MCTP2: variants seen among roughly 807,000 people sequenced by gnomAD.
The protein encoded by MCTP2 is multiple C2 and transmembrane domain containing 2.
In MCTP2, 132 loss-of-function variants were observed where a neutral mutation model predicts 111.6. That is an observed-to-expected ratio of 1.18 (90% CI 1.03 to 1.37). MCTP2 has a LOEUF of 1.37. MCTP2 is among the 40% of genes most tolerant of loss of function. The probability of loss-of-function intolerance (pLI) is 0.00; values close to 1 mark genes in which losing one functional copy is unlikely to be tolerated. For missense variants in MCTP2, 1,183 were observed against 1,067.9 expected, an observed-to-expected ratio of 1.11 and a Z score of -1.50; for synonymous variants, 395 against 387.7, an observed-to-expected ratio of 1.02 and a Z score of -0.22.
At chr15:94,443,981 C>CAAAAAAAAAAAAAAAAAAAAAAA (rs58768404) in intron 19 of MCTP2, among the ~76,000 whole-genome samples, 1 of 69,412 alleles carries the variant, frequency 1.4e-5, no homozygotes, top group African/African-American at 6.2e-5. Flanking sequence ...GATATTTTAC[C>CAAAAAAAAAAAAAAAAAAAAAAA]AAAAAAAAAA....
intron 4 of MCTP2, among the ~76,000 whole-genome samples, chr15:94,318,771 G>A (rs370170362): frequency 2.0e-4 from 31 of 152,254 alleles, no homozygotes; most frequent in African/African-American, 6.7e-4. Flanking sequence ...TGATGAAGCC[G>A]TTGCACACAT....
chr15:94,383,190 T>C (rs1367958703), intron 12 of MCTP2, among the ~76,000 whole-genome samples: 1 of 152,234 alleles, frequency 6.6e-6, no homozygotes, highest in Non-Finnish European at 1.5e-5. Context: ...GACCATTTGC[T>C]CAGGAGCAGA....
chr15:94,412,846 C>A (rs1018463784), intron 17 of MCTP2, among the ~76,000 whole-genome samples: 1 of 151,646 alleles, frequency 6.6e-6, no homozygotes, highest in Admixed American at 6.6e-5. Flanking sequence ...TAGGCTAATT[C>A]ATTACCCCCA....
intron 1 of MCTP2, among the ~76,000 whole-genome samples, chr15:94,286,791 C>T (rs2074778715): frequency 1.3e-5 from 2 of 152,212 alleles, no homozygotes. Context: ...ATGAAGCTTC[C>T]ATTAGGCTCC....
chr15:94,482,249 T>C lies in MCTP2; in HGVS notation c.*3215T>C, dbSNP rs1292807922. ...TGAAAAATATTCTAGCTGCAATGGA[T>C]AGCCTAGCAATTTTCAAAGTTTAGA... On this transcript the variant is annotated 3_prime_UTR_variant, in exon 23 of 23. Transcript: ENST00000357742. 2.6e-5 allele frequency: 4 copies of C among 152,240 alleles called. No homozygotes were observed. Among genetic ancestry groups the C allele is most frequent in the African/African-American group, 9.6e-5 (4 of 41,460 alleles). The allele number at this position is 152,240 out of a possible 1,614,324, so 9.4% of individuals were successfully genotyped here.
At chr15:94,250,847 C>T (rs1320418037) in intron 1 of MCTP2, among the ~76,000 whole-genome samples, 1 of 152,152 alleles carries the variant, frequency 6.6e-6, no homozygotes, top group African/African-American at 2.4e-5. Context: ...AAGCTGTCTT[C>T]ATTGTGTTAT....
chr15:94,410,581 A>G (rs1001592535), intron 17 of MCTP2, among the ~76,000 whole-genome samples: 8 of 152,128 alleles, frequency 5.3e-5, no homozygotes, highest in African/African-American at 1.9e-4. Flanking sequence ...TATTTCAATG[A>G]CTTAATACTT....
At chr15:94,257,659 C>T (rs1326404747) in intron 1 of MCTP2, among the ~76,000 whole-genome samples, 1 of 133,244 alleles carries the variant, frequency 7.5e-6, no homozygotes, top group Non-Finnish European at 1.5e-5. Context: ...TGATCTCGGC[C>T]CAATGCAGTC....
At position 94,479,379 on chromosome 15, in the gene MCTP2, T is replaced by C. The variant is rs191262651; in HGVS notation, c.*345T>C. 4 of 301,554 alleles carry C rather than the reference T, an allele frequency of 1.3e-5. No homozygotes were observed. Among genetic ancestry groups the C allele is most frequent in the Non-Finnish European group, 2.5e-5 (4 of 158,612 alleles). 18.7% of individuals were successfully genotyped at this position (301,554 alleles called of 1,614,324 possible). Reference sequence around the variant, plus strand: ...GAGCCCACTTGGATTCAAGAGTGACTTTGAACTTGTTTTCACACCTCCAAC... The same window carrying C: ...GAGCCCACTTGGATTCAAGAGTGACCTTGAACTTGTTTTCACACCTCCAAC... On this transcript the variant is annotated 3_prime_UTR_variant, in exon 23 of 23. Coordinates refer to ENST00000357742, the MANE Select transcript of MCTP2 (RefSeq NM_001385001.1).
In MCTP2 at chr15:94,452,939, C is replaced by T. The variant is rs149982197; in HGVS notation, c.2251-5198C>T. Among the ~76,000 whole-genome samples, 69 of 148,160 alleles carry T rather than the reference C, an allele frequency of 4.7e-4. 1 individual carries two copies. In the East Asian group the frequency reaches 6.8e-3, roughly 15 times the overall value. ...GCATTTTAAGGAAGGGGTGGAAACA[C>T]GTGAAAAAACTTTGTTTGTTTTGTT... On this transcript the variant is annotated intron_variant, in intron 19 of 22. Coordinates refer to ENST00000357742, the MANE Select transcript of MCTP2 (RefSeq NM_001385001.1).
At position 94,367,767 on chromosome 15, in the gene MCTP2, A is replaced by G. The variant is rs779112972; in HGVS notation, c.1464A>G (p.Glu488=). The G allele has an allele frequency of 1.2e-5, 19 of 1,603,578 alleles. No homozygotes were observed. The highest frequency in any genetic ancestry group is 5.1e-5 in the Admixed American group (3 of 58,348). ...LCVCPLADLS[E]RKQITQRYCL... is the part of the protein sequence containing the mutation. ...TCTGCCCCTTAGCAGACCTCAGCGAAAGAAAGCAGATTACCCAGCGATATG... is the reference window on the plus strand; with the variant it reads ...TCTGCCCCTTAGCAGACCTCAGCGAGAGAAAGCAGATTACCCAGCGATATG... The change falls in exon 11 of 23, where the codon GAA becomes GAG. Residue 488 remains glutamate (E), a synonymous_variant. Coordinates refer to ENST00000357742, the MANE Select transcript of MCTP2 (RefSeq NM_001385001.1).
intron 14 of MCTP2, 134 bp downstream of exon 14, chr15:94,385,659 A>G: frequency 1.6e-6 from 1 of 624,786 alleles, no homozygotes; most frequent in Admixed American, 2.5e-5. Context: ...CGACTGTTTT[A>G]TTCCTCATTC....
chr15:94,244,662 A>G (rs2071601570), intron 1 of MCTP2, among the ~76,000 whole-genome samples: 1 of 148,304 alleles, frequency 6.7e-6, no homozygotes, highest in Admixed American at 6.6e-5. Context: ...ATGTATACAC[A>G]TACATATCCA....
At chr15:94,400,912 G>A (rs550438011) in intron 16 of MCTP2, among the ~76,000 whole-genome samples, 3 of 152,228 alleles carry the variant, frequency 2.0e-5, no homozygotes, top group Admixed American at 1.3e-4. Flanking sequence ...TTTCATTTTG[G>A]TCTGCCGTAA....
intron 1 of MCTP2, among the ~76,000 whole-genome samples, chr15:94,293,369 C>T (rs2075115586): frequency 6.6e-6 from 1 of 152,006 alleles, no homozygotes; most frequent in African/African-American, 2.4e-5. Flanking sequence ...ATAAGAAAAC[C>T]CAATTTCTAA....
intron 19 of MCTP2, 139 bp downstream of exon 19, chr15:94,443,099 G>C (rs2083883180): frequency 1.9e-6 from 1 of 515,308 alleles, no homozygotes; most frequent in African/African-American, 2.3e-5. Context: ...TAATATTATT[G>C]TAACTTTTAA....
intron 17 of MCTP2, among the ~76,000 whole-genome samples, chr15:94,417,022 T>C (rs1337523234): frequency 6.6e-6 from 1 of 152,164 alleles, no homozygotes; most frequent in African/African-American, 2.4e-5. Flanking sequence ...TTTTATTGTT[T>C]AGAAGGGGGC....
chr15:94,406,900 A>T (rs2081929089), intron 17 of MCTP2, among the ~76,000 whole-genome samples: 1 of 151,190 alleles, frequency 6.6e-6, no homozygotes, highest in African/African-American at 2.4e-5. Context: ...TGTTCAGAAA[A>T]GGGATGGGGT....
intron 19 of MCTP2, among the ~76,000 whole-genome samples, chr15:94,447,267 AAG>A (rs1035551708): frequency 1.2e-4 from 18 of 152,170 alleles, no homozygotes; most frequent in African/African-American, 4.3e-4. Flanking sequence ...TTGTGCCAGA[AAG>A]AGAGAGGAGA....
Sources: gnomAD v4.1 joint callset for allele counts (sites outside exome capture counted in the v4.1 genomes callset) on GRCh38, gnomAD v4.1.1 for gene constraint, MANE v1.5 for transcripts, NCBI Gene and HGNC (gene_info 2026-07-23, HGNC 2026-07-21) for gene names.